SGK1: variants seen among roughly 807,000 people sequenced by gnomAD.
SGK1 encodes the protein serum/glucocorticoid regulated kinase 1, also known as serine/threonine-protein kinase Sgk1.
A neutral mutation model predicts 64.2 loss-of-function variants in SGK1; 26 were observed. The ratio of observed to expected loss-of-function variants is 0.40; its 90% CI spans 0.30 to 0.56. The LOEUF (loss-of-function observed/expected upper bound fraction) is 0.56. Among genes scored for constraint, SGK1 ranks in the 20% least tolerant of loss-of-function variants. The probability of loss-of-function intolerance (pLI) is 0.38; values close to 1 mark genes in which losing one functional copy is unlikely to be tolerated. For missense variants in SGK1, 519 were observed against 645.6 expected, an observed-to-expected ratio of 0.80 and a Z score of 2.12; for synonymous variants, 265 against 239.7, an observed-to-expected ratio of 1.11 and a Z score of -0.98.
intron 3 of SGK1, 86 bp from the exon 4 acceptor site, chr6:134,174,672 T>C: frequency 1.9e-6 from 3 of 1,611,750 alleles, no homozygotes; most frequent in Non-Finnish European, 2.5e-6. Flanking sequence ...TCCGGGACTT[T>C]CAAAAAATTT....
At chr6:134,170,974 T>C (rs748689783) in intron 12 of SGK1, 49 bp downstream of exon 12, 2 of 1,610,834 alleles carry the variant, frequency 1.2e-6, no homozygotes, top group Non-Finnish European at 1.7e-6. Flanking sequence ...GGCAGGGAGG[T>C]CTAGTGCACG....
At position 134,265,795 on chromosome 6, in the gene SGK1, G is replaced by GTA. The variant is rs113465609; in HGVS notation, c.70-3649_70-3648dup. 8.6e-3 allele frequency among the ~76,000 whole-genome samples: 1,273 copies of GTA among 148,104 alleles called. 19 individuals carry two copies. The highest frequency in any genetic ancestry group is 0.028 in the African/African-American group (1,139 of 40,408). The stretch of plus-strand genomic sequence containing the variant: ...ATAATATTTTATCAGAATCATAAAT[G>GTA]TATATATATATATACATTTCTTTAA... On this transcript the variant is annotated intron_variant, in intron 1 of 13. Coordinates refer to ENST00000367858, the MANE Select transcript of SGK1 (RefSeq NM_001143676.3).
intron 2 of SGK1, among the ~76,000 whole-genome samples, chr6:134,217,348 T>C (rs74324044): frequency 0.015 from 2,222 of 152,262 alleles, 55 homozygotes; most frequent in African/African-American, 0.048. Flanking sequence ...CATTCTGTGC[T>C]CAGACTAGTG....
At chr6:134,264,239 C>A (rs1776814373) in intron 1 of SGK1, among the ~76,000 whole-genome samples, 1 of 151,934 alleles carries the variant, frequency 6.6e-6, no homozygotes, top group African/African-American at 2.4e-5. Context: ...CCTGCCTCAG[C>A]CTCCCGAGTA....
intron 1 of SGK1, chr6:134,298,495 C>A: frequency 2.5e-6 from 2 of 808,518 alleles, no homozygotes; most frequent in Non-Finnish European, 4.4e-6. Flanking sequence ...CTCTGGTTGA[C>A]TGTGACGGCA....
At chr6:134,277,286 C>T (rs146949632) in intron 1 of SGK1, among the ~76,000 whole-genome samples, 55 of 152,262 alleles carry the variant, frequency 3.6e-4, no homozygotes, top group African/African-American at 1.3e-3. Context: ...CGTACCACTG[C>T]ACTCCAGCCT....
chr6:134,291,018 G>T (rs1241355668), intron 1 of SGK1, among the ~76,000 whole-genome samples: 1 of 152,164 alleles, frequency 6.6e-6, no homozygotes, highest in Non-Finnish European at 1.5e-5. Context: ...TTGCTTGAGG[G>T]CTTGTTGCTG....
chr6:134,254,664 T>C (rs1026312090), intron 2 of SGK1, among the ~76,000 whole-genome samples: 2 of 152,206 alleles, frequency 1.3e-5, no homozygotes, highest in African/African-American at 4.8e-5. Context: ...ATCACCATTG[T>C]CATTTGATAT....
chr6:134,278,864 GA>G (rs914395491), intron 1 of SGK1, among the ~76,000 whole-genome samples: 111 of 145,816 alleles, frequency 7.6e-4, no homozygotes, highest in Admixed American at 2.5e-3. Flanking sequence ...AGAAGCACAA[GA>G]AAAAAAAAAC....
intron 3 of SGK1, chr6:134,177,919 C>A: frequency 7.9e-7 from 1 of 1,266,034 alleles, no homozygotes; most frequent in South Asian, 1.5e-5. Context: ...CTGCAAAGTT[C>A]AACACTGGGC....
chr6:134,226,564 C>T (rs576246888), intron 2 of SGK1, among the ~76,000 whole-genome samples: 12 of 151,698 alleles, frequency 7.9e-5, no homozygotes, highest in South Asian at 4.2e-4. Context: ...TGTGGTGGTA[C>T]GCACCTGTAG....
chr6:134,188,875 G>A (rs367734950), intron 3 of SGK1, among the ~76,000 whole-genome samples: 13 of 150,508 alleles, frequency 8.6e-5, no homozygotes, highest in Admixed American at 5.3e-4. Flanking sequence ...TGGGGCTACA[G>A]GCACATGCCA....
At chr6:134,226,634 C>T (rs1282597166) in intron 2 of SGK1, among the ~76,000 whole-genome samples, 3 of 150,986 alleles carry the variant, frequency 2.0e-5, no homozygotes, top group Non-Finnish European at 4.4e-5. Flanking sequence ...GTTGAGGCTG[C>T]AGTGAGCCAT....
intron 2 of SGK1, among the ~76,000 whole-genome samples, chr6:134,238,834 A>T (rs1743941): frequency 0.84 from 127,837 of 152,134 alleles, 54,378 homozygotes; most frequent in East Asian, 1. Context: ...ACAAGTTCAA[A>T]GTATTAAGAA....
chr6:134,206,337 TGATATA>T (rs1775768455), intron 3 of SGK1, among the ~76,000 whole-genome samples: 4 of 111,456 alleles, frequency 3.6e-5, no homozygotes, highest in East Asian at 3.9e-4. Context: ...CTGTACCTGA[TGATATA>T]TATATATATA....
chr6:134,223,143 C>T (rs557271733), intron 2 of SGK1, among the ~76,000 whole-genome samples: 2 of 151,934 alleles, frequency 1.3e-5, no homozygotes, highest in East Asian at 1.9e-4. Context: ...CTGAGGTGGG[C>T]GGATCACCTG....
chr6:134,171,243 G>A lies in SGK1; in HGVS notation c.1168-65C>T, dbSNP rs57304640. On this transcript the variant is annotated intron_variant, in intron 11 of 13. Transcript: ENST00000367858. ...TTTCATATGGCACACATTACCAGTAGAGAAAAAGATATAAACGGCAATAAA... is the reference window on the plus strand; with the variant it reads ...TTTCATATGGCACACATTACCAGTAAAGAAAAAGATATAAACGGCAATAAA... The A allele has an allele frequency of 1.2e-3, 1,671 of 1,442,282 alleles. 13 individuals carry two copies. The African/African-American group carries it at 0.018, about 16-fold the overall frequency. 89.3% of individuals were successfully genotyped at this position (1,442,282 alleles called of 1,614,324 possible). A position where few individuals can be genotyped will look rare whatever the true frequency, so the allele number is the denominator to read the frequency against.
At chr6:134,198,698 AT>A (rs34050351) in intron 3 of SGK1, among the ~76,000 whole-genome samples, 11 of 135,228 alleles carry the variant, frequency 8.1e-5, no homozygotes, top group African/African-American at 2.8e-4. Flanking sequence ...CTTTATAGTG[AT>A]TTTTTTTCTT....
At chr6:134,309,324 A>T (rs555782715) in intron 1 of SGK1, among the ~76,000 whole-genome samples, 12 of 152,354 alleles carry the variant, frequency 7.9e-5, no homozygotes, top group Admixed American at 6.5e-4. Flanking sequence ...AGGCCAACGC[A>T]GCACCGAACT....
Sources: gnomAD v4.1 joint callset for allele counts (sites outside exome capture counted in the v4.1 genomes callset) on GRCh38, gnomAD v4.1.1 for gene constraint, MANE v1.5 for transcripts, NCBI Gene and HGNC (gene_info 2026-07-23, HGNC 2026-07-21) for gene names.